The following ERBB4 variants were observed in gnomAD, a reference collection of about 807,000 sequenced individuals.
ERBB4 encodes receptor tyrosine-protein kinase erbB-4.
ERBB4 carries 42 observed loss-of-function variants against 158.0 expected under a neutral mutation model. The observed-to-expected ratio is 0.27, with a 90% CI of 0.21 to 0.34. ERBB4 has a LOEUF of 0.34. Ranked by LOEUF, ERBB4 falls within the 10% of genes least tolerant of loss-of-function variation. The pLI, the probability that ERBB4 is intolerant of heterozygous loss-of-function variation, is 1.00. For missense variants in ERBB4, 1,333 were observed against 1,624.1 expected (o/e 0.82, Z 3.08); for synonymous variants, 583 against 558.7 (o/e 1.04, Z -0.61).
chr2:212,431,209 G>T (rs2092019609), intron 1 of ERBB4, among the ~76,000 whole-genome samples: 1 of 144,450 alleles, frequency 6.9e-6, no homozygotes, highest in Admixed American at 7.3e-5. Context: ...ATGAACTCCT[G>T]ATCTCTTGGT....
intron 1 of ERBB4, among the ~76,000 whole-genome samples, chr2:212,268,826 G>A (rs1177566980): frequency 1.3e-5 from 2 of 151,728 alleles, no homozygotes; most frequent in Admixed American, 6.6e-5. Flanking sequence ...GGGATGCTGA[G>A]CTGAAATTTT....
At chr2:211,911,159 G>C (rs549730731) in intron 3 of ERBB4, among the ~76,000 whole-genome samples, 2 of 152,096 alleles carry the variant, frequency 1.3e-5, no homozygotes, top group East Asian at 3.8e-4. Context: ...TTCTATAATG[G>C]GTAGTAAGTC....
chr2:211,753,155 C>CTGA (rs1035932693), intron 4 of ERBB4, among the ~76,000 whole-genome samples: 5 of 116,066 alleles, frequency 4.3e-5, no homozygotes, highest in African/African-American at 1.5e-4. Context: ...ACCAAAATAT[C>CTGA]TGATTAGAGA....
At chr2:211,445,726 C>T (rs971598555) in intron 20 of ERBB4, among the ~76,000 whole-genome samples, 5 of 151,908 alleles carry the variant, frequency 3.3e-5, no homozygotes, top group African/African-American at 4.8e-5. Context: ...AACGGTGGTC[C>T]GCAAAACAAC....
At chr2:212,419,044 T>G (rs1284713147) in intron 1 of ERBB4, among the ~76,000 whole-genome samples, 1 of 151,872 alleles carries the variant, frequency 6.6e-6, no homozygotes, top group African/African-American at 2.4e-5. Context: ...CTGCCTGTAC[T>G]TTATTCATAT....
At chr2:212,312,770 T>G (rs2087105821) in intron 1 of ERBB4, among the ~76,000 whole-genome samples, 1 of 150,960 alleles carries the variant, frequency 6.6e-6, no homozygotes, top group African/African-American at 2.4e-5. Context: ...GGCTTTATTC[T>G]TATTTGCTTT....
At chr2:212,508,894 G>T (rs978987340) in intron 1 of ERBB4, among the ~76,000 whole-genome samples, 5 of 151,990 alleles carry the variant, frequency 3.3e-5, no homozygotes, top group Non-Finnish European at 7.4e-5. Context: ...ATTGTCATCT[G>T]CCAATTTCAA....
At chr2:212,210,079 T>C (rs989135562) in intron 1 of ERBB4, among the ~76,000 whole-genome samples, 1 of 152,050 alleles carries the variant, frequency 6.6e-6, no homozygotes, top group Non-Finnish European at 1.5e-5. Flanking sequence ...TCTTGGGAGC[T>C]TGAGGCCTAA....
intron 2 of ERBB4, among the ~76,000 whole-genome samples, chr2:211,968,576 T>C (rs1022978276): frequency 2.6e-5 from 4 of 152,040 alleles, no homozygotes; most frequent in Non-Finnish European, 5.9e-5. Flanking sequence ...TGCAGATATA[T>C]TTTATTTATT....
chr2:211,938,065 C>T (rs996865349), intron 3 of ERBB4, among the ~76,000 whole-genome samples: 2 of 152,124 alleles, frequency 1.3e-5, no homozygotes, highest in Non-Finnish European at 2.9e-5. Context: ...TCAAAAATGA[C>T]ACATTCTGTA....
At chr2:212,226,735 A>C (rs2083485024) in intron 1 of ERBB4, among the ~76,000 whole-genome samples, 1 of 151,940 alleles carries the variant, frequency 6.6e-6, no homozygotes, top group African/African-American at 2.4e-5. Context: ...TATCAGTCTT[A>C]TCATATAACT....
rs766435771 is a variant in ERBB4, at chr2:211,788,172, A to T, written c.422-13T>A. On this transcript the variant is annotated splice_polypyrimidine_tract_variant and intron_variant, in intron 3 of 27. Transcript: ENST00000342788. Reference sequence around the variant, plus strand: ...CCATTTAGGATTTCTGTATTAAAAAACAAATAAACAAATTTTTTGTCAAAC... The same window carrying T: ...CCATTTAGGATTTCTGTATTAAAAATCAAATAAACAAATTTTTTGTCAAAC... 7 of 1,605,366 alleles carry T rather than the reference A, an allele frequency of 4.4e-6. No homozygotes were observed. Among genetic ancestry groups the T allele is most frequent in the Non-Finnish European group, 6.0e-6 (7 of 1,173,116 alleles).
intron 1 of ERBB4, among the ~76,000 whole-genome samples, chr2:212,412,342 G>A (rs575149434): frequency 4.7e-4 from 71 of 152,252 alleles, no homozygotes; most frequent in Non-Finnish European, 7.8e-4. Context: ...GGATAAGGAC[G>A]GTGTTTCCCT....
At chr2:211,868,057 T>G (rs941065765) in intron 3 of ERBB4, among the ~76,000 whole-genome samples, 1 of 152,254 alleles carries the variant, frequency 6.6e-6, no homozygotes, top group African/African-American at 2.4e-5. Flanking sequence ...GACTATATAC[T>G]GCAGTGTTTC....
chr2:212,010,905 C>A (rs1397147598), intron 2 of ERBB4, among the ~76,000 whole-genome samples: 3 of 152,078 alleles, frequency 2.0e-5, no homozygotes, highest in African/African-American at 7.2e-5. Flanking sequence ...TTAGCGATAT[C>A]TCTCCTACTT....
intron 3 of ERBB4, among the ~76,000 whole-genome samples, chr2:211,807,467 GTGAACTCATCCCCTTTTATGGCTGC>G (rs2076646815): frequency 6.6e-6 from 1 of 152,138 alleles, no homozygotes; most frequent in Non-Finnish European, 1.5e-5. Context: ...TACAAAGGAC[GTGAACTCATCCCCTTTTATGGCTGC>G]ACAGTATTCC....
chr2:212,138,710 G>A (rs2080351084), intron 1 of ERBB4, among the ~76,000 whole-genome samples: 1 of 152,120 alleles, frequency 6.6e-6, no homozygotes. Context: ...ATATCTTTTA[G>A]TATATATTTA....
chr2:211,389,799 GA>G (rs2062764092), intron 25 of ERBB4, among the ~76,000 whole-genome samples: 1 of 152,054 alleles, frequency 6.6e-6, no homozygotes, highest in Admixed American at 6.5e-5. Context: ...TAATAAATAT[GA>G]AGTAAGATAA....
intron 12 of ERBB4, among the ~76,000 whole-genome samples, chr2:211,697,588 C>A (rs2073071468): frequency 6.6e-6 from 1 of 151,912 alleles, no homozygotes; most frequent in Non-Finnish European, 1.5e-5. Flanking sequence ...AGAAAAAGAA[C>A]AACTCCCAAA....
Sources: gnomAD v4.1 joint callset for allele counts (sites outside exome capture counted in the v4.1 genomes callset) on GRCh38, gnomAD v4.1.1 for gene constraint, MANE v1.5 for transcripts, NCBI Gene and HGNC (gene_info 2026-07-23, HGNC 2026-07-21) for gene names.